The following STRN variants were observed in gnomAD, a reference collection of about 807,000 sequenced individuals.
STRN encodes the protein striatin.
STRN carries 53 observed loss-of-function variants against 96.3 expected under a neutral mutation model. The ratio of observed to expected loss-of-function variants is 0.55; its 90% confidence interval spans 0.44 to 0.69. STRN has a LOEUF of 0.69. Ranked by LOEUF, STRN falls within the 30% of genes least tolerant of loss-of-function variation. The pLI is 0.00. For missense variants in STRN, 987 were observed against 963.9 expected (o/e 1.02, Z -0.32); for synonymous variants, 428 against 355.9 (o/e 1.20, Z -2.28).
intron 15 of STRN, among the ~76,000 whole-genome samples, chr2:36,854,195 T>A (rs1057326871): frequency 1.3e-5 from 2 of 152,168 alleles, no homozygotes; most frequent in South Asian, 2.1e-4. Context: ...TCTAATTTCA[T>A]ATTAGTTTTT....
At chr2:36,945,095 T>A (rs1041131058) in intron 1 of STRN, among the ~76,000 whole-genome samples, 4 of 152,026 alleles carry the variant, frequency 2.6e-5, no homozygotes, top group African/African-American at 9.7e-5. Context: ...GGATTTAATA[T>A]ACATAAAACA....
intron 1 of STRN, among the ~76,000 whole-genome samples, chr2:36,941,142 G>A (rs1167562748): frequency 1.3e-5 from 2 of 152,140 alleles, no homozygotes; most frequent in Non-Finnish European, 2.9e-5. Context: ...AGCAACAGAG[G>A]TGAGACCCTG....
chr2:36,841,510 T>C lies in STRN; in HGVS notation c.*7946A>G, dbSNP rs1358231828. On this transcript the variant is annotated 3_prime_UTR_variant, in exon 18 of 18. Coordinates refer to ENST00000263918, the MANE Select transcript of STRN (RefSeq NM_003162.4). ...ATTCTATCAAGAGGATATTCTGAAATACGTGGGCTATCGAAAAAGATGTAA... is the reference window on the plus strand; with the variant it reads ...ATTCTATCAAGAGGATATTCTGAAACACGTGGGCTATCGAAAAAGATGTAA... The C allele has an allele frequency of 1.3e-5, 2 of 152,178 alleles. No individual in the cohort carries two copies. The highest frequency in any genetic ancestry group is 4.8e-5 in the African/African-American group (2 of 41,438). 9.4% of individuals were successfully genotyped at this position (152,178 alleles called of 1,614,324 possible). A position where few individuals can be genotyped will look rare whatever the true frequency, so the allele number is the denominator to read the frequency against.
chr2:36,890,150 C>T (rs140091904), intron 7 of STRN, among the ~76,000 whole-genome samples: 1 of 152,232 alleles, frequency 6.6e-6, no homozygotes, highest in East Asian at 1.9e-4. Context: ...GTGGACTTGC[C>T]TAAAATATGA....
At position 36,861,247 on chromosome 2, in the gene STRN, T is replaced by C. The variant is rs1281569654; in HGVS notation, c.1554A>G (p.Pro518=). Residue 518 remains proline (P), a synonymous_variant, in exon 13 of 18, where the codon CCA becomes CCG. Transcript: ENST00000263918. ...TGCTGCTCATTACCACACAAAGCAC[T>C]GGACCTCTGGGAGATTAAAAAAAAT... is the stretch of plus-strand genomic sequence containing the variant. ...PIYTFRAHKG[P]VLCVVMSSNG... The C allele has an allele frequency of 6.2e-7, 1 of 1,613,406 alleles. No individual in the cohort carries two copies. Among genetic ancestry groups the C allele is most frequent in the East Asian group, 2.2e-5 (1 of 44,866 alleles).
At chr2:36,952,784 C>T (rs974541996) in intron 1 of STRN, among the ~76,000 whole-genome samples, 1 of 152,218 alleles carries the variant, frequency 6.6e-6, no homozygotes, top group Non-Finnish European at 1.5e-5. Context: ...GCTGACTCTA[C>T]TTTTCAAGTT....
At chr2:36,874,632 A>G (rs1226237849) in intron 10 of STRN, among the ~76,000 whole-genome samples, 2 of 151,748 alleles carry the variant, frequency 1.3e-5, no homozygotes, top group Non-Finnish European at 2.9e-5. Context: ...AAATCAGACT[A>G]CCATTAAATG....
At position 36,855,276 on chromosome 2, in the gene STRN, A is replaced by C; in HGVS notation, c.1914T>G (p.Tyr638Ter). The C allele has an allele frequency of 6.2e-7, 1 of 1,613,980 alleles. No homozygotes were observed. Among genetic ancestry groups the C allele is most frequent in the Non-Finnish European group, 8.5e-7 (1 of 1,179,876 alleles). The change falls in exon 15 of 18, where the codon TAT becomes TAG. Residue 638 changes from tyrosine (Y) to a stop codon, truncating the protein, a stop_gained. Transcript: ENST00000263918. LOFTEE classifies it high-confidence loss of function. ...GTGTTTCCATGTTAAAAATGCTTGT[A>C]TATCCCTTGCTGAATGATGCTACCA... ...SHMVASFSKG[Y>*]TSIFNMETQQ...
At chr2:36,901,279 G>A (rs549510204) in intron 5 of STRN, among the ~76,000 whole-genome samples, 13 of 152,256 alleles carry the variant, frequency 8.5e-5, no homozygotes, top group South Asian at 8.3e-4. Flanking sequence ...TTGGCCAGGC[G>A]TGGGGGCTCA....
chr2:36,858,095 A>T, intron 13 of STRN, 72 bp from the exon 14 acceptor site: 1 of 1,315,980 alleles, frequency 7.6e-7, no homozygotes, highest in South Asian at 1.5e-5. Flanking sequence ...CAGAGAAAGT[A>T]AAATATATAA....
At chr2:36,941,226 G>GA (rs1327372532) in intron 1 of STRN, among the ~76,000 whole-genome samples, 2 of 152,152 alleles carry the variant, frequency 1.3e-5, no homozygotes, top group Non-Finnish European at 2.9e-5. Context: ...GATATTAAAT[G>GA]AATTACATAT....
In STRN at chr2:36,899,641, T is replaced by C. The variant is rs761426056; in HGVS notation, c.677A>G (p.Asp226Gly). 1 of 1,609,798 alleles carries C rather than the reference T, an allele frequency of 6.2e-7. No individual in the cohort carries two copies. Among genetic ancestry groups the C allele is most frequent in the African/African-American group, 1.3e-5 (1 of 74,740 alleles). Reference protein sequence around the residue: ...TAMIAKSELTDSASVLDNFKF... With the variant: ...TAMIAKSELTGSASVLDNFKF... ...GAAATTATCCAGCACGGAGGCAGAA[T>C]CTGTTAACTCAGATTTTCTGGTGTA... Residue 226 changes from aspartate to glycine, a missense_variant, in exon 6 of 18, where the codon GAT (aspartate) becomes GGT (glycine). By Grantham distance (94) the Asp-to-Gly change is moderately conservative. Transcript: ENST00000263918.
At chr2:36,903,404 C>T (rs1368976935) in intron 4 of STRN, among the ~76,000 whole-genome samples, 1 of 152,136 alleles carries the variant, frequency 6.6e-6, no homozygotes, top group Non-Finnish European at 1.5e-5. Flanking sequence ...AACTTTAATT[C>T]TCCTGAACCT....
At chr2:36,924,469 C>A (rs1670356696) in intron 2 of STRN, among the ~76,000 whole-genome samples, 1 of 150,592 alleles carries the variant, frequency 6.6e-6, no homozygotes, top group Non-Finnish European at 1.5e-5. Context: ...AAAGGAAACA[C>A]TATAGAAATT....
chr2:36,957,015 G>A (rs1411286664), intron 1 of STRN, among the ~76,000 whole-genome samples: 1 of 152,126 alleles, frequency 6.6e-6, no homozygotes, highest in Non-Finnish European at 1.5e-5. Flanking sequence ...GGGAAAATGG[G>A]AACCCAGTGA....
At chr2:36,910,837 A>G (rs1572668074) in intron 3 of STRN, among the ~76,000 whole-genome samples, 1 of 152,224 alleles carries the variant, frequency 6.6e-6, no homozygotes, top group East Asian at 1.9e-4. Flanking sequence ...TTCTAATATT[A>G]AATAGGAGAG....
chr2:36,933,893 C>T (rs1391656109), intron 1 of STRN, among the ~76,000 whole-genome samples: 1 of 152,020 alleles, frequency 6.6e-6, no homozygotes, highest in Non-Finnish European at 1.5e-5. Flanking sequence ...GTGGATCACC[C>T]GAGGTCAGGA....
chr2:36,899,765 C>T (rs1054186568), intron 5 of STRN, 107 bp from the exon 6 acceptor site: 6 of 1,032,010 alleles, frequency 5.8e-6, no homozygotes, highest in African/African-American at 1.6e-5. Context: ...AACTATAAAT[C>T]CCAAATCACA....
At position 36,845,942 on chromosome 2, in the gene STRN, CACACA is replaced by C. The variant is rs1668062408; in HGVS notation, c.*3509_*3513del. 1 of 136,570 alleles carries C rather than the reference CACACA, an allele frequency of 7.3e-6. No homozygotes were observed. Among genetic ancestry groups the C allele is most frequent in the African/African-American group, 2.8e-5 (1 of 35,842 alleles). The allele number at this position is 136,570 out of a possible 1,614,324, so 8.5% of individuals were successfully genotyped here. On this transcript the variant is annotated 3_prime_UTR_variant, in exon 18 of 18. Coordinates refer to ENST00000263918, the MANE Select transcript of STRN (RefSeq NM_003162.4). Reference sequence around the variant, plus strand: ...ACACACACACACACACACACACACACACACACACACTAACTCTCTCTCTCTCTCTG... The same window carrying C: ...ACACACACACACACACACACACACACCACACTAACTCTCTCTCTCTCTCTG...
Sources: allele counts gnomAD v4.1 joint callset (sites outside exome capture counted in the v4.1 genomes callset), GRCh38; gene constraint gnomAD v4.1.1; transcripts MANE v1.5; gene names NCBI Gene and HGNC (gene_info 2026-07-23, HGNC 2026-07-21).